The following ARAP1 variants were observed in gnomAD, a reference collection of about 807,000 sequenced individuals.
ARAP1 encodes the protein arf-GAP with Rho-GAP domain, ANK repeat and PH domain-containing protein 1.
ARAP1 carries 76 observed loss-of-function variants against 172.2 expected under a neutral mutation model. The ratio of observed to expected loss-of-function variants is 0.44; its 90% CI spans 0.37 to 0.53. ARAP1 has a LOEUF of 0.53. Among genes scored for constraint, ARAP1 ranks in the 20% least tolerant of loss-of-function variants. The pLI, the probability that ARAP1 is intolerant of heterozygous loss-of-function variation, is 0.00. For missense variants in ARAP1, 1,686 were observed against 1,977.5 expected, an observed-to-expected ratio of 0.85 and a Z score of 2.80; for synonymous variants, 804 against 803.3, an observed-to-expected ratio of 1.00 and a Z score of -0.01.
intron 1 of ARAP1, among the ~76,000 whole-genome samples, chr11:72,735,397 G>T (rs1311507007): frequency 6.6e-6 from 1 of 151,964 alleles, no homozygotes; most frequent in Admixed American, 6.6e-5. Context: ...GATCACTTGA[G>T]GTCAGGAGTT....
intron 13 of ARAP1, chr11:72,704,599 A>G: frequency 2.3e-6 from 1 of 425,596 alleles, no homozygotes; most frequent in Non-Finnish European, 4.2e-6. Context: ...CAGGCCTTGC[A>G]CCTGGTCCCA....
At chr11:72,697,253 C>CCG (rs1368455583) in intron 21 of ARAP1, 58 bp from the exon 22 acceptor site, 32 of 1,587,572 alleles carry the variant, frequency 2.0e-5, no homozygotes, top group Non-Finnish European at 1.0e-5. Flanking sequence ...TGGGGCGGGG[C>CCG]CGCGCAGCTC....
chr11:72,714,437 G>A (rs1289796231), intron 3 of ARAP1, 116 bp from the exon 4 acceptor site: 9 of 1,027,456 alleles, frequency 8.8e-6, no homozygotes, highest in South Asian at 1.6e-5. Context: ...AACTCACACA[G>A]ACAGGAGCCC....
chr11:72,691,212 CCTCTT>C (rs1855919490), intron 30 of ARAP1, among the ~76,000 whole-genome samples: 1 of 152,218 alleles, frequency 6.6e-6, no homozygotes, highest in East Asian at 1.9e-4. Context: ...TGGGGACAGC[CCTCTT>C]CCTCAGAGAA....
chr11:72,711,514 G>A lies in ARAP1; in HGVS notation c.1023-15C>T. Reference sequence around the variant, plus strand: ...AGATGTAAGATCTGGAGAGGGAGAGGGACAACAAGCAAATGACCGGGGGTA... The same window carrying A: ...AGATGTAAGATCTGGAGAGGGAGAGAGACAACAAGCAAATGACCGGGGGTA... On this transcript the variant is annotated splice_polypyrimidine_tract_variant and intron_variant, in intron 7 of 34. Transcript: ENST00000393609. 1.2e-6 allele frequency: 2 copies of A among 1,603,934 alleles called. No homozygotes were observed. Among genetic ancestry groups the A allele is most frequent in the Non-Finnish European group, 1.7e-6 (2 of 1,171,588 alleles).
chr11:72,687,743 A>G lies in ARAP1; in HGVS notation c.4071-5T>C. The G allele has an allele frequency of 6.2e-7, 1 of 1,614,144 alleles. No individual in the cohort carries two copies. The highest frequency in any genetic ancestry group is 2.2e-5 in the East Asian group (1 of 44,886). ...TGCACCACTGTGAAGCCCCAGCTAC[A>G]GAGGAAGAAGGGAGAGAGTTGGGTG... is the stretch of plus-strand genomic sequence containing the variant. On this transcript the variant is annotated splice_polypyrimidine_tract_variant and splice_region_variant and intron_variant, in intron 31 of 34. Transcript: ENST00000393609.
intron 16 of ARAP1, 98 bp downstream of exon 16, chr11:72,701,549 ACT>A: frequency 1.4e-6 from 2 of 1,478,180 alleles, no homozygotes; most frequent in South Asian, 1.3e-5. Context: ...CTCTAGGGTG[ACT>A]CTGCCAGAGT....
At chr11:72,739,894 C>G (rs1858150302) in intron 1 of ARAP1, among the ~76,000 whole-genome samples, 1 of 152,174 alleles carries the variant, frequency 6.6e-6, no homozygotes, top group South Asian at 2.1e-4. Flanking sequence ...GCCATGTCCC[C>G]CTGCAGAGCT....
intron 13 of ARAP1, 198 bp downstream of exon 13, chr11:72,705,607 C>T: frequency 2.0e-6 from 1 of 509,842 alleles, no homozygotes; most frequent in Non-Finnish European, 3.5e-6. Context: ...ACTATAAAAA[C>T]ATTCTTAGCT....
In ARAP1 at chr11:72,711,081, C is replaced by A; in HGVS notation, c.1153G>T (p.Asp385Tyr). Reference sequence around the variant, plus strand: ...TTTGTGATCACTTCAAACTTCTGGTCCCCGATGGCAGCCACGTGGGAGATG... The same window carrying A: ...TTTGTGATCACTTCAAACTTCTGGTACCCGATGGCAGCCACGTGGGAGATG... ...ACISHVAAIG[D>Y]QKFEVITNNR... Residue 385 changes from aspartate to tyrosine, a missense_variant, in exon 9 of 35, where the codon GAC (aspartate) becomes TAC (tyrosine). Asp to Tyr is a radical substitution (Grantham distance 160). Around this residue, in one of 5 missense-constraint regions of ARAP1, gnomAD observed 688 missense variants for 856.9 expected, o/e 0.80. Coordinates refer to ENST00000393609, the MANE Select transcript of ARAP1 (RefSeq NM_001040118.3). 6.2e-7 allele frequency: 1 copy of A among 1,614,228 alleles called. No homozygotes were observed. Among genetic ancestry groups the A allele is most frequent in the Non-Finnish European group, 8.5e-7 (1 of 1,180,044 alleles).
intron 3 of ARAP1, among the ~76,000 whole-genome samples, chr11:72,724,751 C>T (rs1166829327): frequency 2.0e-5 from 3 of 152,232 alleles, no homozygotes; most frequent in Non-Finnish European, 1.5e-5. Flanking sequence ...GTAGCTTACC[C>T]ACTACCATAC....
chr11:72,734,046 G>A (rs940460015), intron 1 of ARAP1, among the ~76,000 whole-genome samples: 4 of 151,646 alleles, frequency 2.6e-5, no homozygotes, highest in African/African-American at 4.8e-5. Flanking sequence ...GGCTGGTCTC[G>A]AACTCCTGAC....
rs754883156 is a variant in ARAP1, at chr11:72,707,283, C to T, written c.1615G>A (p.Glu539Lys). Residue 539 changes from glutamate (E) to lysine (K), a missense_variant, in exon 12 of 35, where the codon GAG becomes AAG. Physicochemically the swap from Glu to Lys is moderately conservative, Grantham distance 56. Coordinates refer to ENST00000393609, the MANE Select transcript of ARAP1 (RefSeq NM_001040118.3). ...TTGGGGGCTGCAGCCCAGATGCGCT[C>T]GGCCACCTCCGAGGTAGACAGGGCC... ...AEALSTSEVA[E>K]RIWAAAPNRF... 58 of 1,613,434 alleles carry T rather than the reference C, an allele frequency of 3.6e-5. 2 individuals carry two copies. In the South Asian group the frequency reaches 3.8e-4, roughly 11 times the overall value.
At chr11:72,691,430 G>A (rs915700083) in intron 30 of ARAP1, among the ~76,000 whole-genome samples, 1 of 152,194 alleles carries the variant, frequency 6.6e-6, no homozygotes, top group Non-Finnish European at 1.5e-5. Flanking sequence ...CCTAGAGGGA[G>A]GCGGCCAGGG....
chr11:72,700,866 C>T (rs1371560167), intron 16 of ARAP1, among the ~76,000 whole-genome samples: 1 of 152,146 alleles, frequency 6.6e-6, no homozygotes, highest in Non-Finnish European at 1.5e-5. Context: ...GGCATGATGG[C>T]GCATGCCTGT....
intron 19 of ARAP1, 125 bp from the exon 20 acceptor site, chr11:72,697,774 AC>A: frequency 1.3e-6 from 2 of 1,514,016 alleles, no homozygotes; most frequent in Non-Finnish European, 1.8e-6. Flanking sequence ...GCTGAGATGC[AC>A]CCCAAGGACA....
chr11:72,703,032 C>G lies in ARAP1; in HGVS notation c.2040G>C (p.Ala680=). Residue 680 remains alanine (A), a synonymous_variant, in exon 15 of 35, where the codon GCG becomes GCC. Transcript: ENST00000393609. ...TGATCCCAGCCCCACAGCCCAGGAG[C>G]GCCTGGGTCTCAGCCAGGTCTGTGG... ...VTTTDLAETQ[A]LLGCGAGINC... 1 of 1,596,390 alleles carries G rather than the reference C, an allele frequency of 6.3e-7. No homozygotes were observed. Among genetic ancestry groups the G allele is most frequent in the Non-Finnish European group, 8.5e-7 (1 of 1,172,828 alleles).
rs1351635997 is a variant in ARAP1 at position 72,711,015 on chromosome 11, C to CCCCA, written c.1213+2_1213+5dup. 4 of 1,614,102 alleles carry CCCCA rather than the reference C, an allele frequency of 2.5e-6. No individual in the cohort carries two copies. Among genetic ancestry groups the CCCCA allele is most frequent in the Non-Finnish European group, 3.4e-6 (4 of 1,180,048 alleles). ...ACACACACACACAACACCCCACACT[C>CCCCA]CCCACCATCACTCTCTGCCCGGAAG... On this transcript the variant is annotated splice_donor_region_variant and intron_variant, in intron 9 of 34. Coordinates refer to ENST00000393609, the MANE Select transcript of ARAP1 (RefSeq NM_001040118.3).
chr11:72,741,630 C>T lies in ARAP1; in HGVS notation c.-127-9033G>A, dbSNP rs1477533564. On this transcript the variant is annotated intron_variant, in intron 1 of 34. Coordinates refer to ENST00000393609, the MANE Select transcript of ARAP1 (RefSeq NM_001040118.3). This position sits in a 1 kb window ranked among gnomAD's most constrained non-coding sequence, Gnocchi z 4.5. ...CCCCAGCGGGAGCAGGAGGGGGACT[C>T]CGAACACCATAAATGAGGCAGAAAC... 6.6e-6 allele frequency among the ~76,000 whole-genome samples: 1 copy of T among 152,166 alleles called. No homozygotes were observed. The highest frequency in any genetic ancestry group is 1.5e-5 in the Non-Finnish European group (1 of 68,018).
Sources: gnomAD v4.1 joint callset for allele counts (sites outside exome capture counted in the v4.1 genomes callset) on GRCh38, gnomAD v4.1.1 for gene constraint, gnomAD v4.1.1 regional missense constraint, Gnocchi (gnomAD v3.1) non-coding constraint, MANE v1.5 for transcripts, NCBI Gene and HGNC (gene_info 2026-07-23, HGNC 2026-07-21) for gene names.